Variants in COL4A4 observed in about 807,000 individuals in gnomAD.
COL4A4 encodes collagen type IV alpha 4 chain.
Under a neutral mutation model 192.9 loss-of-function variants are expected in COL4A4, and 105 were observed. The observed-to-expected ratio is 0.54, with a 90% CI of 0.46 to 0.64. The LOEUF (loss-of-function observed/expected upper bound fraction) is 0.64, where lower values mean the gene tolerates loss of function less well. Among genes scored for constraint, COL4A4 ranks in the 30% least tolerant of loss-of-function variants. The probability of loss-of-function intolerance (pLI) is 0.00; values close to 1 mark genes in which losing one functional copy is unlikely to be tolerated. For missense variants in COL4A4, 1,967 were observed against 2,169.3 expected (o/e 0.91, Z 1.85); for synonymous variants, 762 against 769.9 (o/e 0.99, Z 0.17).
At chr2:227,152,267 G>A (rs755453350) in intron 1 of COL4A4, among the ~76,000 whole-genome samples, 1 of 152,214 alleles carries the variant, frequency 6.6e-6, no homozygotes, top group Non-Finnish European at 1.5e-5. Context: ...TTGTGAAAGA[G>A]GAAGTGAAAA....
chr2:227,098,877 G>C (rs1407563078), intron 18 of COL4A4, 79 bp from the exon 19 acceptor site: 5 of 1,181,286 alleles, frequency 4.2e-6, no homozygotes, highest in South Asian at 3.8e-5. Flanking sequence ...CTTTTTGTGA[G>C]ACTCAGTAAA....
intron 19 of COL4A4, 32 bp from the exon 20 acceptor site, chr2:227,094,321 A>T: frequency 6.2e-7 from 1 of 1,602,014 alleles, no homozygotes; most frequent in Non-Finnish European, 8.5e-7. Context: ...AAAATTACAT[A>T]TACTCTCAGA....
rs1412136320 is a variant in COL4A4, at chr2:227,047,513, G to A, written c.3251C>T (p.Pro1084Leu). 6.2e-7 allele frequency: 1 copy of A among 1,613,694 alleles called. No individual in the cohort carries two copies. Among genetic ancestry groups the A allele is most frequent in the Non-Finnish European group, 8.5e-7 (1 of 1,179,874 alleles). Residue 1084 changes from proline (P) to leucine (L), a missense_variant, in exon 35 of 48, where the codon CCT (proline) becomes CTT (leucine). Physicochemically the swap from Pro to Leu is moderately conservative, Grantham distance 98 (BLOSUM62 -3). Transcript: ENST00000396625. ...GCTACCTGGCTCACCCTTTGGACCA[G>A]GTGGACCAAAGTGACTGGCAGGGTC... ...KGDPASHFGP[P>L]GPKGEPGSPG...
rs184393839 is a variant in COL4A4 at position 227,149,740 on chromosome 2, T to C, written c.-101-2156A>G. Among the ~76,000 whole-genome samples the C allele has an allele frequency of 1.5e-3, 226 of 152,312 alleles. 1 individual carries two copies. Among genetic ancestry groups the C allele is most frequent in the Non-Finnish European group, 2.7e-3 (182 of 68,040 alleles). ...AATTCACATGTATTGTGATAAAGGT[T>C]GTACAGAGGAGAATTTTATTAAAAT... On this transcript the variant is annotated intron_variant, in intron 1 of 47. Transcript: ENST00000396625.
rs886055708 is a variant in COL4A4 at position 227,005,066 on chromosome 2, C to G, written c.*2259G>C. The G allele has an allele frequency of 2.0e-5, 3 of 152,118 alleles. No individual in the cohort carries two copies. Among genetic ancestry groups the G allele is most frequent in the Non-Finnish European group, 4.4e-5 (3 of 68,022 alleles). The allele number at this position is 152,118 out of a possible 1,614,324, so 9.4% of individuals were successfully genotyped here. A position where few individuals can be genotyped will look rare whatever the true frequency, so the allele number is the denominator to read the frequency against. ...TCCGCCCTTTTGATCCTTTAAAATA[C>G]TTTTGTAAAATTAGAGGGCAGTGTT... is the stretch of plus-strand genomic sequence containing the variant. On this transcript the variant is annotated 3_prime_UTR_variant, in exon 48 of 48. Transcript: ENST00000396625.
intron 9 of COL4A4, among the ~76,000 whole-genome samples, chr2:227,111,102 G>A (rs897487045): frequency 6.6e-6 from 1 of 152,184 alleles, no homozygotes; most frequent in African/African-American, 2.4e-5. Context: ...TATAAGTGAA[G>A]CATTTTTGCA....
chr2:227,018,290 A>G (rs1176935642), intron 44 of COL4A4, among the ~76,000 whole-genome samples: 4 of 152,102 alleles, frequency 2.6e-5, no homozygotes, highest in African/African-American at 9.7e-5. Context: ...GGAGTGGTGT[A>G]TATGGCCCCT....
At chr2:227,008,506 G>A (rs928866676) in intron 46 of COL4A4, among the ~76,000 whole-genome samples, 1 of 152,086 alleles carries the variant, frequency 6.6e-6, no homozygotes, top group Non-Finnish European at 1.5e-5. Flanking sequence ...TCCCTCACTC[G>A]AGCCAAGCAG....
At chr2:227,019,465 C>T (rs1299551473) in intron 44 of COL4A4, among the ~76,000 whole-genome samples, 1 of 152,196 alleles carries the variant, frequency 6.6e-6, no homozygotes, top group Non-Finnish European at 1.5e-5. Flanking sequence ...TCCTAGATGC[C>T]TGGTTATTAG....
At chr2:227,055,376 C>T (rs1975080249) in intron 30 of COL4A4, among the ~76,000 whole-genome samples, 1 of 148,506 alleles carries the variant, frequency 6.7e-6, no homozygotes, top group Non-Finnish European at 1.5e-5. Flanking sequence ...GGCGTGGTGG[C>T]ACATGCCTCT....
Position 227,145,607 on chromosome 2 carries a change from T to G in COL4A4, c.72-1049A>C, listed in dbSNP as rs148358612. Among the ~76,000 whole-genome samples the G allele has an allele frequency of 1.1e-4, 16 of 152,316 alleles. No homozygotes were observed. The East Asian group carries it at 3.1e-3, about 29-fold the overall frequency. ...CAAAGGATGGTAGGAGAACTGGGGC[T>G]CAGTTCTGGGCTGTGATTTATCTGC... is the stretch of plus-strand genomic sequence containing the variant. On this transcript the variant is annotated intron_variant, in intron 2 of 47. Transcript: ENST00000396625.
intron 23 of COL4A4, among the ~76,000 whole-genome samples, chr2:227,081,652 A>G (rs767958918): frequency 2.0e-5 from 3 of 152,188 alleles, no homozygotes; most frequent in Admixed American, 6.5e-5. Flanking sequence ...CTTTTCATAT[A>G]CACATATATC....
chr2:227,096,932 T>C (rs950957762), intron 19 of COL4A4, among the ~76,000 whole-genome samples: 82 of 152,320 alleles, frequency 5.4e-4, no homozygotes, highest in African/African-American at 1.8e-3. Context: ...ATACGTTGTA[T>C]ATATAGTAAA....
At position 227,062,374 on chromosome 2, in the gene COL4A4, A is replaced by G. The variant is rs569927537; in HGVS notation, c.2056+156T>C. Among the ~76,000 whole-genome samples the G allele has an allele frequency of 6.6e-5, 10 of 152,156 alleles. No homozygotes were observed. The South Asian group carries it at 2.1e-3, about 32-fold the overall frequency. On this transcript the variant is annotated intron_variant, in intron 26 of 47. Coordinates refer to ENST00000396625, the MANE Select transcript of COL4A4 (RefSeq NM_000092.5). Reference sequence around the variant, plus strand: ...CAGCAGACTAGAGGCCCAACTACAAATTACTACAAATGCTGTTTTCCCCTA... The same window carrying G: ...CAGCAGACTAGAGGCCCAACTACAAGTTACTACAAATGCTGTTTTCCCCTA...
rs1027151469 is a variant in COL4A4 at position 227,103,089 on chromosome 2, A to C, written c.870+55T>G. The C allele has an allele frequency of 1.5e-5, 22 of 1,454,328 alleles. No individual in the cohort carries two copies. The African/African-American group carries it at 2.9e-4, about 19-fold the overall frequency. The allele number at this position is 1,454,328 out of a possible 1,614,324, so 90.1% of individuals were successfully genotyped here. ...AAAGACCATGAGAAATAACATTTTA[A>C]GTTAAGATAGTACATCACACAAATG... is the stretch of plus-strand genomic sequence containing the variant. On this transcript the variant is annotated intron_variant, in intron 14 of 47. Transcript: ENST00000396625.
intron 1 of COL4A4, among the ~76,000 whole-genome samples, chr2:227,154,436 G>C (rs2064182634): frequency 6.6e-6 from 1 of 152,198 alleles, no homozygotes; most frequent in Admixed American, 6.5e-5. Context: ...CAGATAAACA[G>C]AACACTGAGT....
At chr2:227,099,196 A>C (rs2060369704) in intron 18 of COL4A4, among the ~76,000 whole-genome samples, 1 of 152,088 alleles carries the variant, frequency 6.6e-6, no homozygotes. Context: ...CCTCCCACGT[A>C]GCTGGGATTA....
intron 9 of COL4A4, among the ~76,000 whole-genome samples, chr2:227,110,285 A>T (rs1269819514): frequency 2.0e-5 from 3 of 152,202 alleles, no homozygotes; most frequent in African/African-American, 4.8e-5. Context: ...AGCAACATTG[A>T]GGTATCACAT....
chr2:227,060,388 C>A, intron 26 of COL4A4, 145 bp from the exon 27 acceptor site: 1 of 607,612 alleles, frequency 1.6e-6, no homozygotes, highest in Non-Finnish European at 2.8e-6. Context: ...TCCCGATTTA[C>A]AAAAATATAT....
Sources: gnomAD v4.1 joint callset for allele counts (sites outside exome capture counted in the v4.1 genomes callset) on GRCh38, gnomAD v4.1.1 for gene constraint, MANE v1.5 for transcripts, NCBI Gene and HGNC (gene_info 2026-07-23, HGNC 2026-07-21) for gene names.